ADCY8: variants seen among roughly 807,000 people sequenced by gnomAD.
ADCY8 encodes adenylate cyclase type 8.
In ADCY8, 51 loss-of-function variants were observed where a neutral mutation model predicts 119.7. The ratio of observed to expected loss-of-function variants is 0.43; its 90% CI spans 0.34 to 0.54. The LOEUF is 0.54. Among genes scored for constraint, ADCY8 ranks in the 20% least tolerant of loss-of-function variants. The probability of loss-of-function intolerance (pLI) is 0.03; values close to 1 mark genes in which losing one functional copy is unlikely to be tolerated. For synonymous variants in ADCY8, 665 were observed against 651.0 expected, an observed-to-expected ratio of 1.02 and a Z score of -0.33; for missense variants, 1,383 against 1,598.8, an observed-to-expected ratio of 0.87 and a Z score of 2.30.
At chr8:130,894,691 G>C (rs1309972325) in intron 7 of ADCY8, among the ~76,000 whole-genome samples, 17 of 152,066 alleles carry the variant, frequency 1.1e-4, no homozygotes, top group Admixed American at 1.1e-3. Context: ...TGACACAAGG[G>C]GAAGTAAAAA....
At chr8:130,865,608 A>C (rs940644020) in intron 9 of ADCY8, among the ~76,000 whole-genome samples, 1 of 152,238 alleles carries the variant, frequency 6.6e-6, no homozygotes, top group Non-Finnish European at 1.5e-5. Context: ...ATTTTTGTGT[A>C]AAACACTTCC....
At chr8:130,795,353 AC>A (rs1651045880) in intron 15 of ADCY8, among the ~76,000 whole-genome samples, 3 of 152,228 alleles carry the variant, frequency 2.0e-5, no homozygotes, top group Non-Finnish European at 4.4e-5. Context: ...AATGTGGAAC[AC>A]CTTTTTCAAA....
chr8:130,806,210 G>A (rs1474880578), intron 14 of ADCY8, among the ~76,000 whole-genome samples: 1 of 152,176 alleles, frequency 6.6e-6, no homozygotes, highest in Non-Finnish European at 1.5e-5. Flanking sequence ...CTCTTGCTCT[G>A]CTTTTGCCCT....
chr8:130,968,810 G>C (rs1040571970), intron 2 of ADCY8, among the ~76,000 whole-genome samples: 4 of 152,168 alleles, frequency 2.6e-5, no homozygotes, highest in Non-Finnish European at 5.9e-5. Flanking sequence ...CTCCTGAAAG[G>C]TATTTAGTCA....
At chr8:130,835,811 G>A (rs1816968208) in intron 12 of ADCY8, among the ~76,000 whole-genome samples, 1 of 151,932 alleles carries the variant, frequency 6.6e-6, no homozygotes, top group Non-Finnish European at 1.5e-5. Flanking sequence ...TACTGTTTTT[G>A]TTTGTAATAT....
intron 1 of ADCY8, among the ~76,000 whole-genome samples, chr8:131,022,350 C>T (rs1192142255): frequency 2.0e-5 from 3 of 152,158 alleles, no homozygotes; most frequent in African/African-American, 4.8e-5. Context: ...TCAACTCCCA[C>T]TTATGAATGA....
chr8:130,997,301 G>T (rs1214504609), intron 1 of ADCY8, among the ~76,000 whole-genome samples: 1 of 152,054 alleles, frequency 6.6e-6, no homozygotes, highest in African/African-American at 2.4e-5. Flanking sequence ...ACGCACTTGT[G>T]TAAATATGTG....
At chr8:130,885,223 AT>A (rs200305628) in intron 7 of ADCY8, among the ~76,000 whole-genome samples, 7,288 of 149,376 alleles carry the variant, frequency 0.049, 205 homozygotes, top group Middle Eastern at 0.084. Context: ...TATGGCTTGC[AT>A]TTTTTTTTTT....
At chr8:130,972,523 A>AAAAACTT (rs1355264780) in intron 2 of ADCY8, among the ~76,000 whole-genome samples, 3 of 152,252 alleles carry the variant, frequency 2.0e-5, no homozygotes, top group Admixed American at 6.5e-5. Flanking sequence ...ACAACATTTA[A>AAAAACTT]AAAACTTAAA....
At chr8:130,870,919 ATAG>A (rs1284598451) in intron 8 of ADCY8, among the ~76,000 whole-genome samples, 1 of 152,176 alleles carries the variant, frequency 6.6e-6, no homozygotes, top group African/African-American at 2.4e-5. Context: ...GAACATTAAT[ATAG>A]TTCATAAGTT....
In ADCY8 at chr8:130,904,002, C is replaced by T. The variant is rs545028650; in HGVS notation, c.1681G>A (p.Gly561Ser). 57 of 1,614,030 alleles carry T rather than the reference C, an allele frequency of 3.5e-5. No individual in the cohort carries two copies. The highest frequency in any genetic ancestry group is 8.0e-5 in the African/African-American group (6 of 75,028). ...ISKATLDCLNGDYNVEEGHGK... is the reference protein window; with the variant it reads ...ISKATLDCLNSDYNVEEGHGK... Reference sequence around the variant, plus strand: ...TGGCCCTCTTCCACGTTATAGTCACCGTTGAGACAGTCCAGCGTGGCTTTG... The same window carrying T: ...TGGCCCTCTTCCACGTTATAGTCACTGTTGAGACAGTCCAGCGTGGCTTTG... The change falls in exon 7 of 18, where the codon GGT becomes AGT. Residue 561 changes from glycine to serine, a missense_variant. Transcript: ENST00000286355.
At chr8:130,946,639 C>T (rs1821114432) in intron 3 of ADCY8, among the ~76,000 whole-genome samples, 1 of 152,190 alleles carries the variant, frequency 6.6e-6, no homozygotes, top group African/African-American at 2.4e-5. Flanking sequence ...TGTGCTCCAT[C>T]TATTAGCTGA....
chr8:130,851,057 G>A (rs905818797), intron 9 of ADCY8, among the ~76,000 whole-genome samples: 14 of 152,120 alleles, frequency 9.2e-5, no homozygotes, highest in African/African-American at 2.4e-4. Context: ...CTGTTATACC[G>A]TTCTGATATT....
intron 1 of ADCY8, among the ~76,000 whole-genome samples, chr8:131,015,960 T>C (rs1406096044): frequency 6.6e-6 from 1 of 152,198 alleles, no homozygotes; most frequent in African/African-American, 2.4e-5. Flanking sequence ...CAGTTATTGA[T>C]GGAAATCCAT....
chr8:131,020,967 A>C (rs1200271508), intron 1 of ADCY8, among the ~76,000 whole-genome samples: 2 of 152,182 alleles, frequency 1.3e-5, no homozygotes, highest in Non-Finnish European at 2.9e-5. Context: ...AATCTCAAAT[A>C]TGGAGCAAAG....
rs1819685092 is a variant in ADCY8 at position 130,903,762 on chromosome 8, G to C, written c.1911+10C>G. 1.2e-6 allele frequency: 2 copies of C among 1,610,758 alleles called. No individual in the cohort carries two copies. Among genetic ancestry groups the C allele is most frequent in the Middle Eastern group, 4.4e-4 (2 of 4,518 alleles). ...TCATGGCCAAGCAGAAGGAGGAAGAGAGGACTTACATTCTGTTTCCCCACG... is the reference window on the plus strand; with the variant it reads ...TCATGGCCAAGCAGAAGGAGGAAGACAGGACTTACATTCTGTTTCCCCACG... On this transcript the variant is annotated intron_variant, in intron 7 of 17. Coordinates refer to ENST00000286355, the MANE Select transcript of ADCY8 (RefSeq NM_001115.3).
At position 130,884,567 on chromosome 8, in the gene ADCY8, G is replaced by A; in HGVS notation, c.2106C>T (p.His702=). The A allele has an allele frequency of 6.2e-7, 1 of 1,613,678 alleles. No homozygotes were observed. Among genetic ancestry groups the A allele is most frequent in the South Asian group, 1.1e-5 (1 of 91,078 alleles). The stretch of plus-strand genomic sequence containing the variant: ...CGCTGTGGAGACCCAGCTCTACCTT[G>A]TGCTCCAGGCTGGAGTCTTTAAACA... ...SLMFKDSSLE[H]KYSQMRDEVF... Residue 702 remains histidine, a synonymous_variant, in exon 8 of 18, where the codon CAC becomes CAT. Coordinates refer to ENST00000286355, the MANE Select transcript of ADCY8 (RefSeq NM_001115.3).
At chr8:130,939,225 A>G (rs1820887278) in intron 4 of ADCY8, among the ~76,000 whole-genome samples, 1 of 152,210 alleles carries the variant, frequency 6.6e-6, no homozygotes, top group Non-Finnish European at 1.5e-5. Flanking sequence ...CTGGAAAGAC[A>G]TATCTTCAGA....
intron 1 of ADCY8, among the ~76,000 whole-genome samples, chr8:131,001,851 C>T (rs932351480): frequency 3.3e-5 from 5 of 151,946 alleles, no homozygotes; most frequent in Non-Finnish European, 5.9e-5. Flanking sequence ...TCTATATTTA[C>T]GGTGCTTTAC....
Sources: allele counts gnomAD v4.1 joint callset (sites outside exome capture counted in the v4.1 genomes callset), GRCh38; gene constraint gnomAD v4.1.1; transcripts MANE v1.5; gene names NCBI Gene and HGNC (gene_info 2026-07-23, HGNC 2026-07-21).